Variants in AKAP6 observed in about 807,000 individuals in gnomAD.
AKAP6 encodes A-kinase anchor protein 6.
A neutral mutation model predicts 188.5 loss-of-function variants in AKAP6; 58 were observed. That is an observed-to-expected ratio of 0.31 (90% CI 0.25 to 0.38). AKAP6 has a LOEUF of 0.38. Ranked by LOEUF, AKAP6 falls within the 10% of genes least tolerant of loss-of-function variation. The probability of loss-of-function intolerance (pLI) is 1.00; values close to 1 mark genes in which losing one functional copy is unlikely to be tolerated. For missense variants in AKAP6, 2,710 were observed against 2,740.0 expected (o/e 0.99, Z 0.24); for synonymous variants, 989 against 998.6 (o/e 0.99, Z 0.18).
chr14:32,698,521 A>G (rs1467155775), intron 9 of AKAP6, among the ~76,000 whole-genome samples: 1 of 152,086 alleles, frequency 6.6e-6, no homozygotes. Flanking sequence ...GGCACCATTG[A>G]CATTTAGGGC....
At position 32,369,864 on chromosome 14, in the gene AKAP6, C is replaced by G. The variant is rs540291282; in HGVS notation, c.-35+40456C>G. Among the ~76,000 whole-genome samples the G allele has an allele frequency of 3.9e-5, 6 of 152,224 alleles. No homozygotes were observed. The East Asian group carries it at 7.7e-4, about 20-fold the overall frequency. ...TGGCCAGCATGGTGAAACCACATCT[C>G]TACTAAAAATACAAAAATTAGCCGG... On this transcript the variant is annotated intron_variant, in intron 1 of 13. Transcript: ENST00000280979.
chr14:32,348,650 TG>T (rs1472910601), intron 1 of AKAP6, among the ~76,000 whole-genome samples: 1 of 152,116 alleles, frequency 6.6e-6, no homozygotes, highest in African/African-American at 2.4e-5. Context: ...TGATCTCAAA[TG>T]ATCCACCCAT....
intron 12 of AKAP6, among the ~76,000 whole-genome samples, chr14:32,794,729 A>G (rs937955288): frequency 3.3e-5 from 5 of 152,230 alleles, no homozygotes; most frequent in African/African-American, 1.2e-4. Context: ...CATCTCAACT[A>G]GAAACTAGAG....
At chr14:32,656,755 A>G (rs1888470622) in intron 7 of AKAP6, among the ~76,000 whole-genome samples, 1 of 152,182 alleles carries the variant, frequency 6.6e-6, no homozygotes. Flanking sequence ...TTCCACTCCT[A>G]CATCTCTGAA....
intron 12 of AKAP6, among the ~76,000 whole-genome samples, chr14:32,803,716 C>G (rs1366443976): frequency 6.6e-6 from 1 of 152,180 alleles, no homozygotes; most frequent in African/African-American, 2.4e-5. Context: ...GGCAATCTCA[C>G]TCATGCCCAT....
At chr14:32,482,409 T>C (rs138517067) in intron 2 of AKAP6, among the ~76,000 whole-genome samples, 34 of 152,314 alleles carry the variant, frequency 2.2e-4, no homozygotes, top group Admixed American at 7.2e-4. Context: ...TGGGATATAC[T>C]TCCCCCAGAT....
chr14:32,787,158 A>G (rs2033447563), intron 12 of AKAP6, among the ~76,000 whole-genome samples: 1 of 152,264 alleles, frequency 6.6e-6, no homozygotes. Flanking sequence ...GAGTTCTAAG[A>G]ACTCGAGGAA....
intron 1 of AKAP6, among the ~76,000 whole-genome samples, chr14:32,359,365 A>AAAAAGG (rs1298386146): frequency 6.6e-6 from 1 of 152,158 alleles, no homozygotes; most frequent in Non-Finnish European, 1.5e-5. Context: ...AAAAAGCAGA[A>AAAAAGG]AAAAGGAAAG....
At chr14:32,716,303 C>T (rs2030195945) in intron 9 of AKAP6, among the ~76,000 whole-genome samples, 1 of 151,740 alleles carries the variant, frequency 6.6e-6, no homozygotes, top group Non-Finnish European at 1.5e-5. Flanking sequence ...TATCAACAAG[C>T]TCCCTCCTCC....
rs1884286966 is a variant in AKAP6, at chr14:32,568,129, T to A, written c.2347-8991T>A. Among the ~76,000 whole-genome samples, 1 of 152,186 alleles carries A rather than the reference T, an allele frequency of 6.6e-6. No homozygotes were observed. ...AGGGCTCTGATAGGAATGATTGAAC[T>A]GTGACAAGAGCTGGGGTTCTCAGAG... On this transcript the variant is annotated intron_variant, in intron 4 of 13. Transcript: ENST00000280979. The surrounding 1 kb of genome is among the most constrained non-coding windows in gnomAD (Gnocchi z 6.2).
intron 1 of AKAP6, among the ~76,000 whole-genome samples, chr14:32,384,420 A>G (rs1242165957): frequency 1.3e-5 from 2 of 152,218 alleles, no homozygotes; most frequent in African/African-American, 4.8e-5. Context: ...TAAAGTTGTC[A>G]CATGTTTTGT....
chr14:32,768,795 G>T (rs1378998869), intron 11 of AKAP6, among the ~76,000 whole-genome samples: 1 of 152,076 alleles, frequency 6.6e-6, no homozygotes, highest in African/African-American at 2.4e-5. Context: ...GGGCTTGCTT[G>T]TTAAAGCATG....
chr14:32,389,463 A>G (rs2138579210), intron 1 of AKAP6, among the ~76,000 whole-genome samples: 1 of 151,772 alleles, frequency 6.6e-6, no homozygotes, highest in East Asian at 1.9e-4. Context: ...TGCTTTAAAG[A>G]AGTTCTTTTT....
At chr14:32,496,095 T>A (rs575479972) in intron 2 of AKAP6, among the ~76,000 whole-genome samples, 13 of 152,318 alleles carry the variant, frequency 8.5e-5, no homozygotes, top group Non-Finnish European at 1.5e-4. Flanking sequence ...TCTACCTGAT[T>A]AGGTTATTTA....
At chr14:32,816,656 T>C (rs2034386468) in intron 12 of AKAP6, among the ~76,000 whole-genome samples, 1 of 152,176 alleles carries the variant, frequency 6.6e-6, no homozygotes, top group African/African-American at 2.4e-5. Flanking sequence ...AATTGGTTCA[T>C]CTATACTGAG....
At chr14:32,660,136 A>G (rs1027375768) in intron 7 of AKAP6, among the ~76,000 whole-genome samples, 1 of 152,150 alleles carries the variant, frequency 6.6e-6, no homozygotes, top group African/African-American at 2.4e-5. Context: ...AGAGTGATGC[A>G]GGTTTAGATT....
chr14:32,528,968 G>A (rs752789720), intron 2 of AKAP6, among the ~76,000 whole-genome samples: 45 of 152,096 alleles, frequency 3.0e-4, no homozygotes, highest in Non-Finnish European at 4.9e-4. Context: ...GTGAGCCACC[G>A]TGCCGAGCCT....
chr14:32,679,485 G>A (rs1889580165), intron 8 of AKAP6, among the ~76,000 whole-genome samples: 1 of 152,106 alleles, frequency 6.6e-6, no homozygotes, highest in Non-Finnish European at 1.5e-5. Context: ...TTCTTAAAGT[G>A]ACAAGAGGAA....
chr14:32,366,216 T>C (rs1289820414), intron 1 of AKAP6, among the ~76,000 whole-genome samples: 3 of 152,176 alleles, frequency 2.0e-5, no homozygotes, highest in Admixed American at 2.0e-4. Context: ...ATTCCCCTGT[T>C]CATCCTGTCG....
Sources: gnomAD v4.1 joint callset for allele counts (sites outside exome capture counted in the v4.1 genomes callset) on GRCh38, gnomAD v4.1.1 for gene constraint, Gnocchi (gnomAD v3.1) non-coding constraint, MANE v1.5 for transcripts, NCBI Gene and HGNC (gene_info 2026-07-23, HGNC 2026-07-21) for gene names.